ULK4: variants seen among roughly 807,000 people sequenced by gnomAD.
ULK4 encodes unc-51 like kinase 4.
ULK4 carries 133 observed loss-of-function variants against 160.6 expected under a neutral mutation model. The observed-to-expected ratio is 0.83, with a 90% CI of 0.72 to 0.96. The LOEUF (loss-of-function observed/expected upper bound fraction) is 0.96. Among genes scored for constraint, ULK4 ranks in the 40% least tolerant of loss-of-function variants. The pLI is 0.00. For missense variants in ULK4, 1,580 were observed against 1,499.5 expected, an observed-to-expected ratio of 1.05 and a Z score of -0.89; for synonymous variants, 534 against 539.8, an observed-to-expected ratio of 0.99 and a Z score of 0.15.
intron 21 of ULK4, among the ~76,000 whole-genome samples, chr3:41,768,032 G>A (rs2039225445): frequency 6.6e-6 from 1 of 152,158 alleles, no homozygotes; most frequent in Non-Finnish European, 1.5e-5. Context: ...TCTTCTGTCA[G>A]ATCAGTGGAG....
At chr3:41,464,853 T>G (rs920434908) in intron 32 of ULK4, among the ~76,000 whole-genome samples, 11 of 152,178 alleles carry the variant, frequency 7.2e-5, no homozygotes, top group African/African-American at 2.4e-4. Flanking sequence ...TACATACTGC[T>G]TACTTCAGAG....
chr3:41,907,876 C>G lies in ULK4; in HGVS notation c.1151G>C (p.Cys384Ser), dbSNP rs1474542680. Residue 384 changes from cysteine to serine, a missense_variant, in exon 12 of 37, where the codon TGT (cysteine) becomes TCT (serine). Transcript: ENST00000301831. ...EVSPGEDMTH[C>S]SPQKTSPLTK... ...CAGAGGAGAAGTCTTCTGTGGTGAA[C>G]AGTGAGTCATATCCTCACCAGGACT... is the stretch of plus-strand genomic sequence containing the variant. The G allele has an allele frequency of 1.3e-5, 21 of 1,601,586 alleles. No individual in the cohort carries two copies. The highest frequency in any genetic ancestry group is 1.7e-5 in the Non-Finnish European group (20 of 1,174,850).
chr3:41,805,001 T>C (rs1291201564), intron 19 of ULK4, among the ~76,000 whole-genome samples: 1 of 152,160 alleles, frequency 6.6e-6, no homozygotes, highest in Non-Finnish European at 1.5e-5. Context: ...TTAAAGTAGT[T>C]TTTTCAAATT....
At position 41,629,712 on chromosome 3, in the gene ULK4, G is replaced by A. The variant is rs539300379; in HGVS notation, c.3072-13995C>T. On this transcript the variant is annotated intron_variant, in intron 30 of 36. Coordinates refer to ENST00000301831, the MANE Select transcript of ULK4 (RefSeq NM_017886.4). The stretch of plus-strand genomic sequence containing the variant: ...AAAATTTAAAACTGCTTCTTTGGCC[G>A]GGCATGGTGGCACATGCCTATAATC... 6.6e-5 allele frequency among the ~76,000 whole-genome samples: 10 copies of A among 152,212 alleles called. No homozygotes were observed. In the East Asian group the frequency reaches 7.7e-4, roughly 12 times the overall value.
intron 35 of ULK4, among the ~76,000 whole-genome samples, chr3:41,353,706 T>TACC (rs1404439906): frequency 1.8e-3 from 81 of 46,092 alleles, no homozygotes; most frequent in Non-Finnish European, 2.8e-3. Context: ...CAATTACTAC[T>TACC]ACTACTACTA....
intron 34 of ULK4, among the ~76,000 whole-genome samples, chr3:41,423,818 T>C (rs1337782708): frequency 6.6e-6 from 1 of 152,162 alleles, no homozygotes; most frequent in Non-Finnish European, 1.5e-5. Flanking sequence ...CAGTGAGTGA[T>C]CATGCTACCC....
intron 35 of ULK4, among the ~76,000 whole-genome samples, chr3:41,287,221 A>G (rs2079477766): frequency 1.3e-5 from 2 of 152,196 alleles, no homozygotes; most frequent in African/African-American, 2.4e-5. Context: ...AGAGATGAAG[A>G]GAGTTACTGA....
chr3:41,285,357 G>C (rs775409887), intron 35 of ULK4, among the ~76,000 whole-genome samples: 1 of 152,116 alleles, frequency 6.6e-6, no homozygotes, highest in East Asian at 1.9e-4. Context: ...ATCAATCAAC[G>C]AGTGGATAAA....
At chr3:41,632,030 C>G (rs994383269) in intron 30 of ULK4, among the ~76,000 whole-genome samples, 3 of 152,188 alleles carry the variant, frequency 2.0e-5, no homozygotes. Flanking sequence ...GGCCACCTTT[C>G]TCTAATGATT....
chr3:41,390,847 A>G (rs2081941175), intron 35 of ULK4, among the ~76,000 whole-genome samples: 1 of 152,006 alleles, frequency 6.6e-6, no homozygotes, highest in Admixed American at 6.6e-5. Context: ...TATTCTGTTG[A>G]TTTGGGGTGG....
Position 41,550,701 on chromosome 3 carries a change from A to T in ULK4, c.3226+15324T>A, listed in dbSNP as rs147441196. Among the ~76,000 whole-genome samples, 1,178 of 152,078 alleles carry T rather than the reference A, an allele frequency of 7.7e-3. 11 individuals are homozygous for T. Among genetic ancestry groups the T allele is most frequent in the Middle Eastern group, 0.034 (10 of 294 alleles). ...TAATACAATAGTTGGGGATTTTGACATAACACTCTTATTAGACAGATAATC... is the reference window on the plus strand; with the variant it reads ...TAATACAATAGTTGGGGATTTTGACTTAACACTCTTATTAGACAGATAATC... On this transcript the variant is annotated intron_variant, in intron 32 of 36. Coordinates refer to ENST00000301831, the MANE Select transcript of ULK4 (RefSeq NM_017886.4).
chr3:41,256,887 C>T (rs1159830143), intron 35 of ULK4, among the ~76,000 whole-genome samples: 1 of 152,160 alleles, frequency 6.6e-6, no homozygotes, highest in Non-Finnish European at 1.5e-5. Context: ...GAAAGAGGGT[C>T]TCTGTTGCCC....
At chr3:41,575,016 G>T (rs948493472) in intron 31 of ULK4, among the ~76,000 whole-genome samples, 1 of 152,132 alleles carries the variant, frequency 6.6e-6, no homozygotes, top group African/African-American at 2.4e-5. Flanking sequence ...CTGAAAGGAG[G>T]GGAAGCCACA....
At chr3:41,671,654 G>T (rs2035541148) in intron 29 of ULK4, among the ~76,000 whole-genome samples, 1 of 152,072 alleles carries the variant, frequency 6.6e-6, no homozygotes, top group South Asian at 2.1e-4. Flanking sequence ...TCAGGACACT[G>T]GTCTAGGGAG....
chr3:41,674,950 G>T (rs1227607255), intron 29 of ULK4, among the ~76,000 whole-genome samples: 1 of 152,126 alleles, frequency 6.6e-6, no homozygotes, highest in African/African-American at 2.4e-5. Context: ...TTAGAAAAAG[G>T]GTTTCTAGCA....
intron 31 of ULK4, among the ~76,000 whole-genome samples, chr3:41,583,630 G>T (rs1431018835): frequency 6.6e-6 from 1 of 152,188 alleles, no homozygotes; most frequent in South Asian, 2.1e-4. Flanking sequence ...CCTCAGGTAT[G>T]GATCTGTCCT....
At chr3:41,672,424 T>C (rs2035573792) in intron 29 of ULK4, among the ~76,000 whole-genome samples, 1 of 152,136 alleles carries the variant, frequency 6.6e-6, no homozygotes. Context: ...TGGAGGTCAT[T>C]ATATTAAGTG....
rs192831567 is a variant in ULK4 at position 41,412,750 on chromosome 3, G to A, written c.3493-14486C>T. On this transcript the variant is annotated intron_variant, in intron 34 of 36. Transcript: ENST00000301831. ...AATTTGTTGTATTTTTAGTAGAGAC[G>A]GGGTTTTGCCATGTTGCCCAGGTTG... is the stretch of plus-strand genomic sequence containing the variant. 4.0e-5 allele frequency among the ~76,000 whole-genome samples: 6 copies of A among 151,578 alleles called. 1 individual carries two copies. Among genetic ancestry groups the A allele is most frequent in the Admixed American group, 2.0e-4 (3 of 15,206 alleles).
At chr3:41,268,955 C>A (rs1017129098) in intron 35 of ULK4, among the ~76,000 whole-genome samples, 3 of 152,106 alleles carry the variant, frequency 2.0e-5, no homozygotes, top group African/African-American at 4.8e-5. Flanking sequence ...GAAGGCCCAC[C>A]CTCAGCTGCT....
Sources: gnomAD v4.1 joint callset for allele counts (sites outside exome capture counted in the v4.1 genomes callset) on GRCh38, gnomAD v4.1.1 for gene constraint, MANE v1.5 for transcripts, NCBI Gene and HGNC (gene_info 2026-07-23, HGNC 2026-07-21) for gene names.